The following NCKAP5 variants were observed in gnomAD, a reference collection of about 807,000 sequenced individuals.
The protein encoded by NCKAP5 is nck-associated protein 5.
NCKAP5 carries 92 observed loss-of-function variants against 167.0 expected under a neutral mutation model. The ratio of observed to expected loss-of-function variants is 0.55; its 90% CI spans 0.47 to 0.66. The LOEUF (loss-of-function observed/expected upper bound fraction) is 0.66, where lower values mean the gene tolerates loss of function less well. Among genes scored for constraint, NCKAP5 ranks in the 30% least tolerant of loss-of-function variants. The pLI is 0.00. For synonymous variants in NCKAP5, 891 were observed against 877.4 expected (o/e 1.02, Z -0.27); for missense variants, 2,378 against 2,315.0 (o/e 1.03, Z -0.56).
chr2:133,443,169 T>C (rs574913715), intron 3 of NCKAP5, among the ~76,000 whole-genome samples: 4 of 152,328 alleles, frequency 2.6e-5, no homozygotes, highest in East Asian at 1.9e-4. Flanking sequence ...TATGGGACTA[T>C]GGCATTGGGC....
At chr2:133,656,830 A>C in the NCKAP5 span, among the ~76,000 whole-genome samples, 1 of 152,090 alleles carries the variant, frequency 6.6e-6, no homozygotes, top group Non-Finnish European at 1.5e-5. Flanking sequence ...TGATTACATA[A>C]GCTCTTTAGT....
At chr2:132,965,904 T>TTGTGTGTGTGTGTG (rs60589235) in intron 7 of NCKAP5, among the ~76,000 whole-genome samples, 1,479 of 140,920 alleles carry the variant, frequency 0.01, 20 homozygotes, top group African/African-American at 0.037. Flanking sequence ...ACATGACTCT[T>TTGTGTGTGTGTGTG]TGTGTGTGTG....
chr2:133,394,145 T>C (rs1687595058), intron 3 of NCKAP5, among the ~76,000 whole-genome samples: 3 of 152,236 alleles, frequency 2.0e-5, no homozygotes, highest in Admixed American at 1.3e-4. Flanking sequence ...AATGTGAGAA[T>C]GGAGACATGC....
intron 3 of NCKAP5, among the ~76,000 whole-genome samples, chr2:133,424,170 A>G (rs1253054198): frequency 6.6e-6 from 1 of 152,196 alleles, no homozygotes; most frequent in African/African-American, 2.4e-5. Flanking sequence ...CATAGGTGTC[A>G]GGGAGTACTG....
chr2:133,201,259 T>C (rs1047020858), intron 5 of NCKAP5, among the ~76,000 whole-genome samples: 5 of 152,132 alleles, frequency 3.3e-5, no homozygotes, highest in African/African-American at 1.2e-4. Flanking sequence ...ATCACGTTAC[T>C]CAGCAGGGCA....
chr2:132,733,502 G>A (rs537706132), intron 16 of NCKAP5, among the ~76,000 whole-genome samples: 3 of 152,304 alleles, frequency 2.0e-5, no homozygotes, highest in Admixed American at 1.3e-4. Flanking sequence ...TTTTACTGCT[G>A]TGAGGATTAA....
chr2:132,970,198 T>C (rs1421023606), intron 7 of NCKAP5, among the ~76,000 whole-genome samples: 2 of 152,208 alleles, frequency 1.3e-5, no homozygotes. Flanking sequence ...GTATGGGTTC[T>C]ATCCAAAAAT....
intron 8 of NCKAP5, among the ~76,000 whole-genome samples, chr2:132,920,330 G>C (rs1695217030): frequency 6.6e-6 from 1 of 152,014 alleles, no homozygotes; most frequent in Non-Finnish European, 1.5e-5. Context: ...ATTCCACAGA[G>C]GAGGAGCTGT....
At chr2:133,499,298 A>C (rs1443851187) in intron 3 of NCKAP5, among the ~76,000 whole-genome samples, 1 of 152,218 alleles carries the variant, frequency 6.6e-6, no homozygotes, top group Non-Finnish European at 1.5e-5. Flanking sequence ...TAAATATTTA[A>C]CTTGCAAAGC....
chr2:132,771,013 A>C (rs1368125717), intron 16 of NCKAP5, among the ~76,000 whole-genome samples: 1 of 152,228 alleles, frequency 6.6e-6, no homozygotes, highest in Non-Finnish European at 1.5e-5. Context: ...AATGATAATA[A>C]GTGACTATTA....
At chr2:133,061,821 C>A (rs574083432) in intron 6 of NCKAP5, among the ~76,000 whole-genome samples, 1 of 146,292 alleles carries the variant, frequency 6.8e-6, no homozygotes, top group African/African-American at 2.5e-5. Flanking sequence ...GGCTATTGGG[C>A]CACTATGGCT....
intron 19 of NCKAP5, among the ~76,000 whole-genome samples, chr2:132,690,109 T>A (rs1452375179): frequency 6.6e-6 from 1 of 152,130 alleles, no homozygotes; most frequent in East Asian, 1.9e-4. Context: ...TTTATAACAT[T>A]GATGAGAAAA....
intron 16 of NCKAP5, among the ~76,000 whole-genome samples, chr2:132,750,951 G>A (rs1244179628): frequency 1.3e-5 from 2 of 152,232 alleles, no homozygotes; most frequent in Non-Finnish European, 2.9e-5. Context: ...AACAGAACAT[G>A]CTAGGGCTTC....
chr2:133,424,947 T>C (rs1442904266), intron 3 of NCKAP5, among the ~76,000 whole-genome samples: 1 of 152,226 alleles, frequency 6.6e-6, no homozygotes, highest in Non-Finnish European at 1.5e-5. Context: ...AAAGGCATTG[T>C]TGTAATTGAT....
chr2:132,838,148 T>C (rs1381718139), intron 11 of NCKAP5, among the ~76,000 whole-genome samples: 1 of 152,194 alleles, frequency 6.6e-6, no homozygotes, highest in Non-Finnish European at 1.5e-5. Context: ...TGAATCTACA[T>C]GGTCATAGAC....
chr2:133,159,951 T>G (rs2083719529), intron 5 of NCKAP5, among the ~76,000 whole-genome samples: 1 of 152,102 alleles, frequency 6.6e-6, no homozygotes, highest in African/African-American at 2.4e-5. Flanking sequence ...AGGGAACTGT[T>G]TGTACACATG....
intron 4 of NCKAP5, among the ~76,000 whole-genome samples, chr2:133,288,513 T>C (rs1251103525): frequency 6.6e-6 from 1 of 152,198 alleles, no homozygotes; most frequent in Non-Finnish European, 1.5e-5. Context: ...GCAATTTCCT[T>C]TAATAGGGAC....
chr2:133,309,565 G>C (rs957626349), intron 3 of NCKAP5, among the ~76,000 whole-genome samples: 1 of 152,154 alleles, frequency 6.6e-6, no homozygotes, highest in South Asian at 2.1e-4. Context: ...TCTGTTCCCT[G>C]GCTAAAACTT....
chr2:132,751,497 C>G (rs1044558013), intron 16 of NCKAP5, among the ~76,000 whole-genome samples: 1 of 152,108 alleles, frequency 6.6e-6, no homozygotes, highest in Non-Finnish European at 1.5e-5. Flanking sequence ...ATTCCATATG[C>G]CTGCAGAACT....
Sources: gnomAD v4.1 joint callset for allele counts (sites outside exome capture counted in the v4.1 genomes callset) on GRCh38, gnomAD v4.1.1 for gene constraint, MANE v1.5 for transcripts, NCBI Gene and HGNC (gene_info 2026-07-23, HGNC 2026-07-21) for gene names.